Variants in MARCHF1 observed in about 807,000 individuals in gnomAD.
MARCHF1 encodes membrane associated ring-CH-type finger 1.
MARCHF1 carries 40 observed loss-of-function variants against 54.2 expected under a neutral mutation model. The ratio of observed to expected loss-of-function variants is 0.74; its 90% CI spans 0.57 to 0.96. The LOEUF (loss-of-function observed/expected upper bound fraction) is 0.96, where lower values mean the gene tolerates loss of function less well. Ranked by LOEUF, MARCHF1 falls within the 40% of genes least tolerant of loss-of-function variation. MARCHF1 has a pLI of 0.00. For synonymous variants in MARCHF1, 236 were observed against 236.3 expected, an observed-to-expected ratio of 1.00 and a Z score of 0.01; for missense variants, 586 against 656.5, an observed-to-expected ratio of 0.89 and a Z score of 1.17.
chr4:164,341,818 C>T (rs1015493798), intron 1 of MARCHF1, among the ~76,000 whole-genome samples: 2 of 152,156 alleles, frequency 1.3e-5, no homozygotes, highest in Non-Finnish European at 2.9e-5. Context: ...AACATTCAGA[C>T]TATAGCACCT....
At chr4:164,055,443 CAAAA>C (rs55924377) in intron 2 of MARCHF1, among the ~76,000 whole-genome samples, 26 of 138,960 alleles carry the variant, frequency 1.9e-4, no homozygotes, top group East Asian at 4.5e-4. Flanking sequence ...CACCCTGTCT[CAAAA>C]AAAAAAAAAA....
chr4:164,283,720 A>T (rs1051159269), intron 1 of MARCHF1, among the ~76,000 whole-genome samples: 1 of 150,932 alleles, frequency 6.6e-6, no homozygotes, highest in Non-Finnish European at 1.5e-5. Flanking sequence ...GGAGTCCAAA[A>T]TTACCAACAG....
intron 3 of MARCHF1, among the ~76,000 whole-genome samples, chr4:163,953,270 G>A (rs1179761278): frequency 6.6e-6 from 1 of 152,126 alleles, no homozygotes; most frequent in African/African-American, 2.4e-5. Context: ...GTGATACAAT[G>A]TAAAATATTT....
intron 1 of MARCHF1, among the ~76,000 whole-genome samples, chr4:164,334,360 C>A (rs188065657): frequency 6.6e-6 from 1 of 152,104 alleles, no homozygotes; most frequent in Non-Finnish European, 1.5e-5. Flanking sequence ...TATGTGGAAG[C>A]GAACACTCAT....
At chr4:164,288,850 G>A (rs1734215838) in intron 1 of MARCHF1, among the ~76,000 whole-genome samples, 1 of 152,012 alleles carries the variant, frequency 6.6e-6, no homozygotes, top group Non-Finnish European at 1.5e-5. Context: ...TTTGGCATTT[G>A]TTATTGACTC....
At chr4:163,657,148 T>C (rs1223086535) in intron 5 of MARCHF1, among the ~76,000 whole-genome samples, 1 of 152,092 alleles carries the variant, frequency 6.6e-6, no homozygotes, top group Non-Finnish European at 1.5e-5. Flanking sequence ...CATGATCCTA[T>C]ATCTAGAAAA....
intron 4 of MARCHF1, among the ~76,000 whole-genome samples, chr4:163,711,590 T>C (rs1199772246): frequency 3.9e-5 from 6 of 152,172 alleles, no homozygotes; most frequent in Admixed American, 2.0e-4. Context: ...AGAGTAATTA[T>C]CCCTTCCTTG....
chr4:163,957,935 C>T (rs2110801698), intron 3 of MARCHF1, among the ~76,000 whole-genome samples: 1 of 152,112 alleles, frequency 6.6e-6, no homozygotes, highest in South Asian at 2.1e-4. Flanking sequence ...ATGCTGCATT[C>T]AGAAAGTCTT....
chr4:163,858,466 A>T (rs1749830694), intron 3 of MARCHF1, among the ~76,000 whole-genome samples: 1 of 152,114 alleles, frequency 6.6e-6, no homozygotes. Context: ...TAGAACTGAG[A>T]AAGTGCCCAC....
intron 2 of MARCHF1, among the ~76,000 whole-genome samples, chr4:164,110,728 C>T (rs1179085788): frequency 1.4e-5 from 2 of 147,272 alleles, no homozygotes; most frequent in Non-Finnish European, 3.0e-5. Flanking sequence ...AAAAAAAAAG[C>T]TGCAAGTGTC....
intron 1 of MARCHF1, among the ~76,000 whole-genome samples, chr4:164,308,281 A>G (rs540618872): frequency 6.6e-6 from 1 of 152,220 alleles, no homozygotes; most frequent in South Asian, 2.1e-4. Context: ...ACCAGCAAAC[A>G]TTACCTTAGA....
intron 2 of MARCHF1, among the ~76,000 whole-genome samples, chr4:164,067,619 A>G (rs11729095): frequency 0.11 from 16,860 of 152,240 alleles, 1,158 homozygotes; most frequent in Middle Eastern, 0.18. Flanking sequence ...ACCTCAAACT[A>G]TAAAAATGTT....
At chr4:163,899,153 A>G (rs1189397525) in intron 3 of MARCHF1, among the ~76,000 whole-genome samples, 1 of 152,234 alleles carries the variant, frequency 6.6e-6, no homozygotes, top group Non-Finnish European at 1.5e-5. Flanking sequence ...ACATGCATAT[A>G]TACCTTCTGA....
chr4:163,726,648 TAA>T (rs1435642048), intron 4 of MARCHF1, among the ~76,000 whole-genome samples: 3 of 152,226 alleles, frequency 2.0e-5, no homozygotes, highest in East Asian at 1.9e-4. Flanking sequence ...CTAGACTGTA[TAA>T]GAGTATGTTT....
At chr4:164,229,924 A>G (rs12507967) in intron 1 of MARCHF1, among the ~76,000 whole-genome samples, 3,961 of 152,140 alleles carry the variant, frequency 0.026, 163 homozygotes, top group East Asian at 0.16. Flanking sequence ...ACTAAACCCC[A>G]CCTCCAACAT....
chr4:164,053,326 T>C (rs1313740632), intron 2 of MARCHF1, among the ~76,000 whole-genome samples: 1 of 152,184 alleles, frequency 6.6e-6, no homozygotes, highest in Non-Finnish European at 1.5e-5. Context: ...CCTGTAATGT[T>C]GTTTCATATG....
At chr4:163,986,249 C>CTGTTTTTTTTTT (rs1752864623) in intron 3 of MARCHF1, among the ~76,000 whole-genome samples, 1 of 28,830 alleles carries the variant, frequency 3.5e-5, no homozygotes, top group Admixed American at 5.6e-4. Context: ...TTAACCTCTT[C>CTGTTTTTTTTTT]TTTTTTTTTT....
intron 3 of MARCHF1, among the ~76,000 whole-genome samples, chr4:163,941,567 T>C (rs1751913228): frequency 6.6e-6 from 1 of 152,134 alleles, no homozygotes; most frequent in Non-Finnish European, 1.5e-5. Context: ...GTGACCTTTT[T>C]GGGTCCTTCT....
intron 3 of MARCHF1, among the ~76,000 whole-genome samples, chr4:163,922,184 G>C (rs144213361): frequency 7.6e-4 from 115 of 150,980 alleles, no homozygotes; most frequent in African/African-American, 2.3e-3. Context: ...ATGGATGCGG[G>C]GGGGAGCATC....
Sources: allele counts gnomAD v4.1 joint callset (sites outside exome capture counted in the v4.1 genomes callset), GRCh38; gene constraint gnomAD v4.1.1; transcripts MANE v1.5; gene names NCBI Gene and HGNC (gene_info 2026-07-23, HGNC 2026-07-21).